The following COL6A5 variants were observed in gnomAD, a reference collection of about 807,000 sequenced individuals.
COL6A5 encodes collagen type VI alpha 5 chain.
Under a neutral mutation model 65.6 loss-of-function variants are expected in COL6A5, and 48 were observed. That is an observed-to-expected ratio of 0.73 (90% CI 0.58 to 0.93). The LOEUF (loss-of-function observed/expected upper bound fraction) is 0.93. Ranked by LOEUF, COL6A5 falls within the 40% of genes least tolerant of loss-of-function variation. The pLI, the probability that COL6A5 is intolerant of heterozygous loss-of-function variation, is 0.00. For synonymous variants in COL6A5, 291 were observed against 322.8 expected, an observed-to-expected ratio of 0.90 and a Z score of 1.05; for missense variants, 914 against 928.3, an observed-to-expected ratio of 0.98 and a Z score of 0.20.
intron 2 of COL6A5, 107 bp downstream of exon 2, chr3:130,373,812 A>C (rs1935654436): frequency 1.4e-6 from 1 of 733,346 alleles, no homozygotes; most frequent in African/African-American, 1.8e-5. Context: ...CAAAGTATGC[A>C]GCATTTAGTA....
intron 1 of COL6A5, among the ~76,000 whole-genome samples, chr3:130,436,557 C>T (rs796720026): frequency 1.3e-4 from 20 of 152,270 alleles, no homozygotes; most frequent in African/African-American, 4.6e-4. Context: ...TGATATTGCT[C>T]ATGTCAAGGT....
intron 6 of COL6A5, among the ~76,000 whole-genome samples, chr3:130,470,461 C>T (rs533129880): frequency 9.2e-5 from 14 of 151,750 alleles, no homozygotes; most frequent in African/African-American, 3.4e-4. Flanking sequence ...TCTCCCAACC[C>T]GAAGATAAGT....
At chr3:130,435,040 A>G (rs572102040) in intron 1 of COL6A5, among the ~76,000 whole-genome samples, 2 of 152,066 alleles carry the variant, frequency 1.3e-5, no homozygotes, top group East Asian at 1.9e-4. Context: ...ATGGTATTGC[A>G]TAGGTTTTCT....
At chr3:130,440,516 C>G (rs139500009) in exon 3 of COL6A5, 1 of 1,613,602 alleles carries the variant, frequency 6.2e-7, no homozygotes, top group South Asian at 1.1e-5. Context: ...AACAATTGGT[C>G]GTGCCCTACT....
chr3:130,377,149 C>G (rs945642177), intron 3 of COL6A5, among the ~76,000 whole-genome samples: 2 of 152,150 alleles, frequency 1.3e-5, no homozygotes, highest in Non-Finnish European at 2.9e-5. Context: ...TCCTTGCACA[C>G]AGCTTATGAC....
At chr3:130,391,338 C>T (rs754286306) in exon 7 of COL6A5, 3 of 1,551,712 alleles carry the variant, frequency 1.9e-6, no homozygotes, top group Non-Finnish European at 2.6e-6. Context: ...CTCAAATACT[C>T]TGACCAACCT....
chr3:130,400,667 TG>T (rs1936784284), intron 10 of COL6A5, among the ~76,000 whole-genome samples: 1 of 152,246 alleles, frequency 6.6e-6, no homozygotes, highest in Non-Finnish European at 1.5e-5. Flanking sequence ...TCTCTGGAGA[TG>T]AATAATGCCC....
Position 130,362,251 on chromosome 3 carries a change from T to TC in COL6A5, c.-28-11360_-28-11359insC, listed in dbSNP as rs1316756061. Among the ~76,000 whole-genome samples, 173 of 79,320 alleles carry TC rather than the reference T, an allele frequency of 2.2e-3. 2 individuals carry two copies. Among genetic ancestry groups the TC allele is most frequent in the South Asian group, 8.6e-3 (15 of 1,750 alleles). 52.0% of individuals were successfully genotyped at this position (79,320 alleles called of 152,430 possible). A position where few individuals can be genotyped will look rare whatever the true frequency, so the allele number is the denominator to read the frequency against. ...ATTTTTGGGAAGGGTGTAAGGTTTCTTTCTCTCTCTCTCTCTCTCTTTGTC... is the reference window on the plus strand; with the variant it reads ...ATTTTTGGGAAGGGTGTAAGGTTTCTCTTCTCTCTCTCTCTCTCTCTTTGTC... On this transcript the variant is annotated intron_variant and NMD_transcript_variant, in intron 1 of 41. Coordinates refer to the COL6A5 transcript ENST00000312481.
intron 1 of COL6A5, among the ~76,000 whole-genome samples, chr3:130,432,384 C>T (rs1937856958): frequency 6.6e-6 from 1 of 151,970 alleles, no homozygotes; most frequent in Non-Finnish European, 1.5e-5. Flanking sequence ...GAAACTTCAT[C>T]TCTACTAAAA....
chr3:130,444,431 G>A (rs1201010682), intron 4 of COL6A5, among the ~76,000 whole-genome samples: 1 of 152,146 alleles, frequency 6.6e-6, no homozygotes, highest in Non-Finnish European at 1.5e-5. Context: ...AGTAAAGACA[G>A]GCATGAGAAA....
At chr3:130,454,471 C>T (rs1412565627) in intron 4 of COL6A5, among the ~76,000 whole-genome samples, 1 of 152,158 alleles carries the variant, frequency 6.6e-6, no homozygotes, top group Non-Finnish European at 1.5e-5. Context: ...TCTTCCTCTC[C>T]TCATTAACTC....
chr3:130,345,868 G>C, exon 1 of COL6A5: 1 of 398,584 alleles, frequency 2.5e-6, no homozygotes, highest in Non-Finnish European at 4.4e-6. Flanking sequence ...CAACTGCGCC[G>C]CGGGCGCCCG....
chr3:130,371,441 A>G lies in COL6A5; in HGVS notation c.-28-2170A>G, dbSNP rs535175303. ...TCAAAACTTTCTAAAAGGTAGCATA[A>G]TCAAGACTATGTGATACTGGCATAA... On this transcript the variant is annotated intron_variant and NMD_transcript_variant, in intron 1 of 41. Transcript: ENST00000312481. Among the ~76,000 whole-genome samples the G allele has an allele frequency of 9.5e-3, 1,448 of 152,300 alleles. 10 individuals are homozygous for G. Among genetic ancestry groups the G allele is most frequent in the South Asian group, 0.069 (334 of 4,822 alleles).
At chr3:130,440,380 T>C in exon 3 of COL6A5, 1 of 1,613,596 alleles carries the variant, frequency 6.2e-7, no homozygotes, top group Non-Finnish European at 8.5e-7. Context: ...TGAGCTATTC[T>C]CCTTGGGAAA....
Position 130,415,627 on chromosome 3 carries a change from C to A in COL6A5, c.4762-18C>A. ...TCATTGACATAATTGCATTGTATTT[C>A]CTTTGTTACCACTAAAGGGGTCACA... On this transcript the variant is annotated intron_variant and NMD_transcript_variant, in intron 22 of 41. Coordinates refer to the COL6A5 transcript ENST00000312481. 1 of 1,537,978 alleles carries A rather than the reference C, an allele frequency of 6.5e-7. No individual in the cohort carries two copies. Among genetic ancestry groups the A allele is most frequent in the Non-Finnish European group, 8.8e-7 (1 of 1,140,196 alleles).
chr3:130,469,196 T>G (rs1290002408), exon 6 of COL6A5: 1 of 1,613,296 alleles, frequency 6.2e-7, no homozygotes, highest in East Asian at 2.2e-5. Context: ...TGACAATGTC[T>G]TTGTAGGAAC....
intron 4 of COL6A5, among the ~76,000 whole-genome samples, chr3:130,446,341 G>T (rs1470576540): frequency 6.6e-6 from 1 of 152,166 alleles, no homozygotes; most frequent in Non-Finnish European, 1.5e-5. Flanking sequence ...TGTGTAGCAG[G>T]TAAATCAGTG....
intron 4 of COL6A5, among the ~76,000 whole-genome samples, chr3:130,454,906 T>C (rs993369339): frequency 2.0e-5 from 3 of 152,106 alleles, no homozygotes; most frequent in African/African-American, 7.2e-5. Context: ...TTTGGGAGGC[T>C]GAGGAGGGAG....
chr3:130,386,679 T>C (rs1936199032), intron 5 of COL6A5, among the ~76,000 whole-genome samples: 1 of 152,004 alleles, frequency 6.6e-6, no homozygotes, highest in Non-Finnish European at 1.5e-5. Context: ...TAAAGTAGGT[T>C]GTATCTCAGA....
Sources: gnomAD v4.1 joint callset for allele counts (sites outside exome capture counted in the v4.1 genomes callset) on GRCh38, gnomAD v4.1.1 for gene constraint, MANE v1.5 for transcripts, NCBI Gene and HGNC (gene_info 2026-07-23, HGNC 2026-07-21) for gene names.